The following PTPRR variants were observed in gnomAD, a reference collection of about 807,000 sequenced individuals.
The protein encoded by PTPRR is protein tyrosine phosphatase receptor type R.
Under a neutral mutation model 77.2 loss-of-function variants are expected in PTPRR, and 38 were observed. That is an observed-to-expected ratio of 0.49 (90% confidence interval 0.38 to 0.65). PTPRR has a LOEUF of 0.65. Among genes scored for constraint, PTPRR ranks in the 30% least tolerant of loss-of-function variants. The probability of loss-of-function intolerance (pLI) is 0.00; values close to 1 mark genes in which losing one functional copy is unlikely to be tolerated. For missense variants in PTPRR, 744 were observed against 799.2 expected (o/e 0.93, Z 0.83); for synonymous variants, 299 against 283.1 (o/e 1.06, Z -0.57).
chr12:70,769,957 T>G (rs1486241594), intron 2 of PTPRR, among the ~76,000 whole-genome samples: 10 of 152,116 alleles, frequency 6.6e-5, no homozygotes, highest in Admixed American at 6.6e-4. Context: ...GCTAGCCATA[T>G]GTAGAAAGCT....
chr12:70,653,492 A>C (rs1445834361), intron 13 of PTPRR, among the ~76,000 whole-genome samples: 2 of 152,154 alleles, frequency 1.3e-5, no homozygotes, highest in Non-Finnish European at 2.9e-5. Context: ...AGAGAGGATA[A>C]GCAATGTAGG....
chr12:70,735,361 A>G (rs1257219441), intron 6 of PTPRR, among the ~76,000 whole-genome samples: 1 of 152,224 alleles, frequency 6.6e-6, no homozygotes, highest in Non-Finnish European at 1.5e-5. Context: ...GCAGAAGGTG[A>G]AGGAGGAGCA....
intron 6 of PTPRR, among the ~76,000 whole-genome samples, chr12:70,725,873 T>A (rs1889415788): frequency 6.6e-6 from 1 of 152,124 alleles, no homozygotes; most frequent in African/African-American, 2.4e-5. Flanking sequence ...AATTCTAGGA[T>A]GAATGCACAG....
intron 6 of PTPRR, among the ~76,000 whole-genome samples, chr12:70,708,993 A>C (rs888543403): frequency 6.6e-6 from 1 of 152,056 alleles, no homozygotes; most frequent in African/African-American, 2.4e-5. Context: ...TATTGTCCTG[A>C]TACCAAAACC....
At chr12:70,852,348 GAA>G (rs1307968291) in intron 2 of PTPRR, among the ~76,000 whole-genome samples, 1 of 152,070 alleles carries the variant, frequency 6.6e-6, no homozygotes, top group Non-Finnish European at 1.5e-5. Context: ...TAAAAAATAA[GAA>G]AAGATTACAA....
chr12:70,785,822 C>T (rs1891309465), intron 2 of PTPRR, among the ~76,000 whole-genome samples: 1 of 152,154 alleles, frequency 6.6e-6, no homozygotes, highest in African/African-American at 2.4e-5. Context: ...GTACAGTAAA[C>T]AAACATAATA....
intron 2 of PTPRR, among the ~76,000 whole-genome samples, chr12:70,850,834 T>C (rs1327524635): frequency 6.6e-6 from 1 of 152,214 alleles, no homozygotes; most frequent in East Asian, 1.9e-4. Context: ...ATAAGGAAGA[T>C]GCTGTCCCTA....
At chr12:70,914,755 C>T (rs761370278) in intron 1 of PTPRR, among the ~76,000 whole-genome samples, 9 of 151,966 alleles carry the variant, frequency 5.9e-5, no homozygotes, top group African/African-American at 1.2e-4. Flanking sequence ...CCCAGGAGGT[C>T]GAGGCTGCAG....
At chr12:70,782,246 T>C (rs912695080) in intron 2 of PTPRR, among the ~76,000 whole-genome samples, 2 of 151,968 alleles carry the variant, frequency 1.3e-5, no homozygotes, top group African/African-American at 4.8e-5. Context: ...ATGTTGCAGG[T>C]AGGTGAGCGA....
At chr12:70,760,668 C>A (rs1266968601) in intron 4 of PTPRR, among the ~76,000 whole-genome samples, 2 of 152,164 alleles carry the variant, frequency 1.3e-5, no homozygotes, top group Non-Finnish European at 2.9e-5. Context: ...TTAGGTGGTG[C>A]TTTACGCCTC....
intron 2 of PTPRR, among the ~76,000 whole-genome samples, chr12:70,791,385 T>A (rs575330305): frequency 6.6e-6 from 1 of 152,324 alleles, no homozygotes; most frequent in Non-Finnish European, 1.5e-5. Context: ...CCTCCCTTCA[T>A]TCAGGTCTCT....
chr12:70,867,683 C>T (rs1429258327), intron 2 of PTPRR, among the ~76,000 whole-genome samples: 1 of 152,050 alleles, frequency 6.6e-6, no homozygotes. Context: ...TTGGAAAAAA[C>T]TACTTTAAAC....
At chr12:70,865,214 C>T (rs1435230645) in intron 2 of PTPRR, among the ~76,000 whole-genome samples, 5 of 121,382 alleles carry the variant, frequency 4.1e-5, no homozygotes, top group East Asian at 4.8e-4. Context: ...TGAGAATGAT[C>T]GTGAGGCCTC....
In PTPRR at chr12:70,903,457, C is replaced by G. The variant is rs192275211; in HGVS notation, c.59-10480G>C. Among the ~76,000 whole-genome samples, 29 of 151,754 alleles carry G rather than the reference C, an allele frequency of 1.9e-4. 1 individual carries two copies. The East Asian group carries it at 5.6e-3, about 29-fold the overall frequency. On this transcript the variant is annotated intron_variant, in intron 1 of 13. Coordinates refer to ENST00000283228, the MANE Select transcript of PTPRR (RefSeq NM_002849.4). ...AAAAATGAATTCAGAGAAAGTATTA[C>G]CATTTGATTTTTGATAAAGGTGAAC... is the stretch of plus-strand genomic sequence containing the variant.
At chr12:70,659,577 A>T (rs896337465) in intron 12 of PTPRR, among the ~76,000 whole-genome samples, 1 of 152,118 alleles carries the variant, frequency 6.6e-6, no homozygotes, top group Non-Finnish European at 1.5e-5. Flanking sequence ...CATTTTAGAT[A>T]TCCTGAGTGT....
intron 2 of PTPRR, among the ~76,000 whole-genome samples, chr12:70,768,836 G>C (rs1334233853): frequency 9.9e-5 from 15 of 151,530 alleles, no homozygotes; most frequent in African/African-American, 3.7e-4. Flanking sequence ...TCATCCCTGG[G>C]ATGCAAGGCT....
At chr12:70,811,102 A>T (rs189211971) in intron 2 of PTPRR, among the ~76,000 whole-genome samples, 130 of 152,322 alleles carry the variant, frequency 8.5e-4, no homozygotes, top group African/African-American at 2.5e-3. Flanking sequence ...TAAAAACACA[A>T]GATAAAAAAA....
chr12:70,846,570 G>A (rs1486573140), intron 2 of PTPRR, among the ~76,000 whole-genome samples: 1 of 152,138 alleles, frequency 6.6e-6, no homozygotes. Context: ...GTTAGGAGGT[G>A]GGGCCTTTAG....
chr12:70,649,709 G>A (rs143553848), intron 13 of PTPRR, among the ~76,000 whole-genome samples: 121 of 152,194 alleles, frequency 8.0e-4, no homozygotes, highest in African/African-American at 2.9e-3. Flanking sequence ...TGAGTAGCTG[G>A]GACTACAGGT....
Sources: allele counts gnomAD v4.1 joint callset (sites outside exome capture counted in the v4.1 genomes callset), GRCh38; gene constraint gnomAD v4.1.1; transcripts MANE v1.5; gene names NCBI Gene and HGNC (gene_info 2026-07-23, HGNC 2026-07-21).